CEP63: variants seen among roughly 807,000 people sequenced by gnomAD.
The protein encoded by CEP63 is centrosomal protein of 63 kDa.
CEP63 carries 84 observed loss-of-function variants against 89.1 expected under a neutral mutation model. The ratio of observed to expected loss-of-function variants is 0.94; its 90% CI spans 0.79 to 1.13. CEP63 has a LOEUF of 1.13. CEP63 is among the 50% of genes most tolerant of loss of function. CEP63 has a pLI of 0.00. For missense variants in CEP63, 838 were observed against 813.3 expected (o/e 1.03, Z -0.37); for synonymous variants, 267 against 272.5 (o/e 0.98, Z 0.20).
At chr3:134,756,024 G>A in the CEP63 span, among the ~76,000 whole-genome samples, 8 of 152,250 alleles carry the variant, frequency 5.3e-5, no homozygotes, top group Non-Finnish European at 1.0e-4. Flanking sequence ...TGGAGCCAGA[G>A]GGGCTGGAGG....
the CEP63 span, chr3:134,619,109 G>A: frequency 3.9e-5 from 58 of 1,504,392 alleles, no homozygotes; most frequent in Non-Finnish European, 4.8e-5. Flanking sequence ...GGAGAGGGAT[G>A]GGTCCGGTGG....
the CEP63 span, among the ~76,000 whole-genome samples, chr3:134,687,227 A>C: frequency 6.6e-6 from 1 of 152,336 alleles, no homozygotes; most frequent in South Asian, 2.1e-4. Flanking sequence ...CTCAATACAC[A>C]TTAGAACACA....
chr3:134,509,154 G>C (rs756080538), intron 3 of CEP63, among the ~76,000 whole-genome samples: 8 of 152,160 alleles, frequency 5.3e-5, no homozygotes, highest in African/African-American at 7.2e-5. Flanking sequence ...AAAGGAAAGA[G>C]GTTTAATTGG....
intron 10 of CEP63, among the ~76,000 whole-genome samples, chr3:134,581,965 G>C (rs1000971328): frequency 6.6e-6 from 1 of 151,878 alleles, no homozygotes; most frequent in East Asian, 1.9e-4. Context: ...GTGAGCCACC[G>C]CGCCCGGCCG....
At chr3:134,673,453 A>G in the CEP63 span, among the ~76,000 whole-genome samples, 1 of 152,026 alleles carries the variant, frequency 6.6e-6, no homozygotes, top group East Asian at 1.9e-4. Flanking sequence ...GTCCATCAAA[A>G]TGGCTCTCTC....
intron 5 of CEP63, chr3:134,536,734 C>G (rs1255444571): frequency 8.0e-6 from 2 of 251,566 alleles, no homozygotes; most frequent in Non-Finnish European, 1.6e-5. Flanking sequence ...AAAATTTAAT[C>G]TGTTCAATTC....
At chr3:134,665,482 A>G in the CEP63 span, among the ~76,000 whole-genome samples, 5 of 152,178 alleles carry the variant, frequency 3.3e-5, no homozygotes, top group Non-Finnish European at 5.9e-5. Flanking sequence ...TGTTTGTGAC[A>G]GTACAGTTTG....
chr3:134,495,206 A>G, intron 1 of CEP63, 90 bp from the exon 2 acceptor site: 3 of 918,432 alleles, frequency 3.3e-6, no homozygotes, highest in Non-Finnish European at 1.8e-6. Context: ...ATTATTATGT[A>G]TGCTTTCATT....
the CEP63 span, among the ~76,000 whole-genome samples, chr3:134,753,005 C>T: frequency 2.2e-4 from 34 of 152,182 alleles, no homozygotes; most frequent in African/African-American, 8.2e-4. Flanking sequence ...AAGAAAGGGC[C>T]TCTGGGGAGT....
chr3:134,595,905 C>T, the CEP63 span, among the ~76,000 whole-genome samples: 1 of 152,166 alleles, frequency 6.6e-6, no homozygotes, highest in Non-Finnish European at 1.5e-5. Flanking sequence ...CAACGGTCTT[C>T]AAGACAGCCC....
intron 6 of CEP63, among the ~76,000 whole-genome samples, chr3:134,543,378 G>A (rs761407273): frequency 1.3e-5 from 2 of 152,134 alleles, no homozygotes; most frequent in Non-Finnish European, 2.9e-5. Flanking sequence ...TGAAAATTTA[G>A]AATTTGTACT....
downstream of CEP63, among the ~76,000 whole-genome samples, chr3:134,575,661 G>C (rs1359332652): frequency 6.6e-6 from 1 of 151,326 alleles, no homozygotes; most frequent in African/African-American, 2.4e-5. Flanking sequence ...GCCCAGGTTG[G>C]AGTGCATTGG....
At chr3:134,554,286 A>C in intron 12 of CEP63, among the ~76,000 whole-genome samples, 1 of 144,126 alleles carries the variant, frequency 6.9e-6, no homozygotes, top group African/African-American at 2.6e-5. Flanking sequence ...TCCTGTGTCC[A>C]TGTGATCTCA....
At chr3:134,771,305 G>T in the CEP63 span, among the ~76,000 whole-genome samples, 2 of 152,194 alleles carry the variant, frequency 1.3e-5, no homozygotes, top group African/African-American at 4.8e-5. Context: ...CATATTCTTT[G>T]CAGGGACATG....
Position 134,547,313 on chromosome 3 carries a change from A to G in CEP63, c.930-22A>G, listed in dbSNP as rs766416491. 32 of 1,611,156 alleles carry G rather than the reference A, an allele frequency of 2.0e-5. No individual in the cohort carries two copies. The African/African-American group carries it at 2.7e-4, about 13-fold the overall frequency. On this transcript the variant is annotated intron_variant, in intron 8 of 14. Transcript: ENST00000675561. ...GTTTGCAGAGATAAAGGCGTTAACAATCATCCTATGTCTTTCCATAGGCCA... is the reference window on the plus strand; with the variant it reads ...GTTTGCAGAGATAAAGGCGTTAACAGTCATCCTATGTCTTTCCATAGGCCA...
At chr3:134,644,529 C>T in the CEP63 span, among the ~76,000 whole-genome samples, 187 of 152,294 alleles carry the variant, frequency 1.2e-3, no homozygotes, top group African/African-American at 4.0e-3. Context: ...TGGAGGTTCC[C>T]CCACCACTAC....
chr3:134,569,037 C>G (rs1479571861), downstream of CEP63, among the ~76,000 whole-genome samples: 1 of 152,216 alleles, frequency 6.6e-6, no homozygotes, highest in East Asian at 1.9e-4. Context: ...TTTAAACCAT[C>G]AGATCTTGCG....
intron 3 of CEP63, chr3:134,511,195 TGAG>T (rs1474805656): frequency 5.9e-6 from 1 of 169,256 alleles, no homozygotes; most frequent in African/African-American, 2.4e-5. Flanking sequence ...TATCTTCTTC[TGAG>T]GTTTTAGGTT....
In CEP63 at chr3:134,538,531, G is replaced by GTATATATATATATATATATATATATATA. The variant is rs138354332; in HGVS notation, c.555+1264_555+1265insATATATATATATATATATATATATATAT. On this transcript the variant is annotated intron_variant, in intron 6 of 14. Transcript: ENST00000675561. ...AGACCTAATAAGAAATTGTGTGTGT[G>GTATATATATATATATATATATATATATA]TGTATATATATATATATATATATGT... 7.7e-3 allele frequency among the ~76,000 whole-genome samples: 770 copies of GTATATATATATATATATATATATATATA among 99,434 alleles called. 13 individuals are homozygous for GTATATATATATATATATATATATATATA. Among genetic ancestry groups the GTATATATATATATATATATATATATATA allele is most frequent in the Middle Eastern group, 0.045 (9 of 200 alleles). The allele number at this position is 99,434 out of a possible 152,430, so 65.2% of individuals were successfully genotyped here.
Sources: allele counts gnomAD v4.1 joint callset (sites outside exome capture counted in the v4.1 genomes callset), GRCh38; gene constraint gnomAD v4.1.1; transcripts MANE v1.5; gene names NCBI Gene and HGNC (gene_info 2026-07-23, HGNC 2026-07-21).